Variants in GALNTL5 observed in about 807,000 individuals in gnomAD.
The protein encoded by GALNTL5 is polypeptide N-acetylgalactosaminyltransferase like 5.
A neutral mutation model predicts 51.0 loss-of-function variants in GALNTL5; 44 were observed. The observed-to-expected ratio is 0.86, with a 90% CI of 0.68 to 1.11. The LOEUF (loss-of-function observed/expected upper bound fraction) is 1.11. GALNTL5 is among the 50% of genes least tolerant of loss of function. The pLI, the probability that GALNTL5 is intolerant of heterozygous loss-of-function variation, is 0.00. For synonymous variants in GALNTL5, 192 were observed against 182.8 expected (o/e 1.05, Z -0.41); for missense variants, 528 against 531.8 (o/e 0.99, Z 0.07).
chr7:151,970,479 G>A (rs1431395646), intron 2 of GALNTL5: 1 of 158,700 alleles, frequency 6.3e-6, no homozygotes, highest in East Asian at 1.9e-4. Flanking sequence ...TGGGTTACGT[G>A]GCCAGATCCC....
intron 5 of GALNTL5, among the ~76,000 whole-genome samples, chr7:151,990,502 A>G (rs1586832981): frequency 7.9e-6 from 1 of 126,432 alleles, no homozygotes; most frequent in African/African-American, 3.0e-5. Flanking sequence ...AATGGCGTGA[A>G]CCCGGGAGGC....
chr7:151,989,329 T>C (rs2151950360), intron 5 of GALNTL5, among the ~76,000 whole-genome samples: 1 of 151,870 alleles, frequency 6.6e-6, no homozygotes, highest in South Asian at 2.1e-4. Context: ...TTTTTTGTAT[T>C]TTTAGTAGAG....
At chr7:151,968,214 G>A (rs978838215) in intron 2 of GALNTL5, among the ~76,000 whole-genome samples, 9 of 152,038 alleles carry the variant, frequency 5.9e-5, no homozygotes, top group African/African-American at 1.2e-4. Context: ...TGGAAGGATC[G>A]CTTGAGCCCA....
intron 3 of GALNTL5, among the ~76,000 whole-genome samples, chr7:151,973,768 A>T (rs2374310): frequency 0.24 from 32,810 of 134,984 alleles, 3,612 homozygotes; most frequent in South Asian, 0.34. Flanking sequence ...ATGTGAAATG[A>T]GATTTGGGAG....
intron 3 of GALNTL5, 42 bp from the exon 4 acceptor site, chr7:151,982,944 C>A: frequency 6.2e-7 from 1 of 1,613,034 alleles, no homozygotes; most frequent in East Asian, 2.2e-5. Flanking sequence ...ACATCCAAGG[C>A]ATTTAGATGG....
At chr7:151,974,293 T>C (rs2081182490) in intron 3 of GALNTL5, among the ~76,000 whole-genome samples, 1 of 152,118 alleles carries the variant, frequency 6.6e-6, no homozygotes, top group South Asian at 2.1e-4. Flanking sequence ...AGTATTTGTC[T>C]TTTTTTGTGA....
At position 152,019,668 on chromosome 7, in the gene GALNTL5, C is replaced by T. The variant is rs762772286; in HGVS notation, c.1199C>T (p.Pro400Leu). ...EYKEQFFLRKPGLKYVTYGNI... is the reference protein window; with the variant it reads ...EYKEQFFLRKLGLKYVTYGNI... ...TAGGAGCAGTTTTTTCTTCGAAAGC[C>T]TGGTCTGAAATATGTCACCTACGGA... Residue 400 changes from proline (P) to leucine (L), a missense_variant, in exon 9 of 9, where the codon CCT becomes CTT. Physicochemically the swap from Pro to Leu is moderately conservative, Grantham distance 98 (BLOSUM62 -3). Coordinates refer to ENST00000392800, the MANE Select transcript of GALNTL5 (RefSeq NM_145292.4). 3 of 1,610,824 alleles carry T rather than the reference C, an allele frequency of 1.9e-6. No individual in the cohort carries two copies. The highest frequency in any genetic ancestry group is 2.2e-5 in the South Asian group (2 of 90,258).
At chr7:151,970,057 A>G (rs1586809886) in intron 2 of GALNTL5, among the ~76,000 whole-genome samples, 2 of 149,336 alleles carry the variant, frequency 1.3e-5, no homozygotes, top group Non-Finnish European at 3.0e-5. Flanking sequence ...TGATCCACCC[A>G]CCTCAGCCTC....
intron 7 of GALNTL5, among the ~76,000 whole-genome samples, chr7:152,008,153 C>A (rs959485585): frequency 1.5e-4 from 23 of 151,986 alleles, no homozygotes; most frequent in Non-Finnish European, 1.0e-4. Context: ...GTGGCTCATG[C>A]CTGTAATCTC....
At chr7:152,013,602 T>C (rs1046827665) in intron 7 of GALNTL5, among the ~76,000 whole-genome samples, 13 of 152,210 alleles carry the variant, frequency 8.5e-5, no homozygotes, top group Non-Finnish European at 1.5e-4. Context: ...GCAAGTATAC[T>C]GTAAGATGAG....
chr7:151,964,598 C>T (rs775798079), intron 1 of GALNTL5, among the ~76,000 whole-genome samples: 7 of 152,270 alleles, frequency 4.6e-5, no homozygotes, highest in South Asian at 2.1e-4. Flanking sequence ...TCCCCAGCCA[C>T]GTGGAACTGT....
intron 3 of GALNTL5, among the ~76,000 whole-genome samples, chr7:151,975,753 A>AT (rs917071424): frequency 4.6e-5 from 7 of 150,662 alleles, no homozygotes; most frequent in African/African-American, 7.3e-5. Flanking sequence ...ATGTTTTGGT[A>AT]TTTTTTTTTA....
intron 8 of GALNTL5, among the ~76,000 whole-genome samples, chr7:152,016,288 C>T (rs2081812353): frequency 6.6e-6 from 1 of 151,864 alleles, no homozygotes; most frequent in African/African-American, 2.4e-5. Flanking sequence ...CCTGTAGTCC[C>T]AGCTACTCAG....
chr7:151,968,234 G>A (rs2081084512), intron 2 of GALNTL5, among the ~76,000 whole-genome samples: 3 of 152,110 alleles, frequency 2.0e-5, no homozygotes, highest in Admixed American at 2.0e-4. Context: ...AGGAAGTCAA[G>A]GTTACAGTGA....
intron 5 of GALNTL5, among the ~76,000 whole-genome samples, chr7:151,996,652 G>A (rs1210560993): frequency 6.6e-6 from 1 of 152,140 alleles, no homozygotes; most frequent in Non-Finnish European, 1.5e-5. Flanking sequence ...GGGAGGGCGA[G>A]GCAGGAGGAT....
At chr7:151,970,190 G>A (rs1221504653) in intron 2 of GALNTL5, among the ~76,000 whole-genome samples, 1 of 144,692 alleles carries the variant, frequency 6.9e-6, no homozygotes, top group East Asian at 2.3e-4. Context: ...CTGGGTGAAA[G>A]GGAAAGCAGG....
At chr7:151,976,245 C>T (rs951544675) in intron 3 of GALNTL5, among the ~76,000 whole-genome samples, 2 of 152,126 alleles carry the variant, frequency 1.3e-5, no homozygotes, top group Non-Finnish European at 2.9e-5. Flanking sequence ...TATTTAGGTT[C>T]TCTGACGTTG....
At chr7:151,999,540 C>T (rs780239510) in intron 5 of GALNTL5, among the ~76,000 whole-genome samples, 17 of 152,250 alleles carry the variant, frequency 1.1e-4, no homozygotes, top group East Asian at 5.8e-4. Context: ...TTTAAGTTCT[C>T]GTCATCCTAG....
intron 7 of GALNTL5, among the ~76,000 whole-genome samples, chr7:152,010,771 A>G (rs2081724518): frequency 7.3e-6 from 1 of 136,366 alleles, no homozygotes; most frequent in East Asian, 2.1e-4. Flanking sequence ...TCTGTCTCAA[A>G]AAAAAAAAAA....
Sources: gnomAD v4.1 joint callset for allele counts (sites outside exome capture counted in the v4.1 genomes callset) on GRCh38, gnomAD v4.1.1 for gene constraint, MANE v1.5 for transcripts, NCBI Gene and HGNC (gene_info 2026-07-23, HGNC 2026-07-21) for gene names.